The following NSD1 variants were observed in gnomAD, a reference collection of about 807,000 sequenced individuals.
NSD1 encodes the protein nuclear receptor binding SET domain protein 1.
A neutral mutation model predicts 242.7 loss-of-function variants in NSD1; 26 were observed. That is an observed-to-expected ratio of 0.11 (90% CI 0.08 to 0.15). The LOEUF (loss-of-function observed/expected upper bound fraction) is 0.15, where lower values mean the gene tolerates loss of function less well. Ranked by LOEUF, NSD1 falls within the 10% of genes least tolerant of loss-of-function variation. The pLI is 1.00. For synonymous variants in NSD1, 1,106 were observed against 1,178.1 expected (o/e 0.94, Z 1.25); for missense variants, 2,495 against 3,272.8 (o/e 0.76, Z 5.80).
chr5:177,200,875 T>C lies in NSD1; in HGVS notation c.1064-3245T>C, dbSNP rs1762461077. On this transcript the variant is annotated intron_variant, in intron 3 of 22. Coordinates refer to ENST00000439151, the MANE Select transcript of NSD1 (RefSeq NM_022455.5). ...ATTCTGAACAGTGTTTCTATAAACATTGTATAGTATCTGGTGTTTTTGTAT... is the reference window on the plus strand; with the variant it reads ...ATTCTGAACAGTGTTTCTATAAACACTGTATAGTATCTGGTGTTTTTGTAT... Among the ~76,000 whole-genome samples, 3 of 152,124 alleles carry C rather than the reference T, an allele frequency of 2.0e-5. No homozygotes were observed. In the South Asian group the frequency reaches 6.2e-4, roughly 31 times the overall value.
chr5:177,239,989 C>A, intron 8 of NSD1, 124 bp downstream of exon 8: 2 of 656,032 alleles, frequency 3.0e-6, no homozygotes, highest in South Asian at 1.7e-5. Flanking sequence ...TGTGTGTCAG[C>A]AGTCATACAT....
Position 177,294,811 on chromosome 5 carries a change from G to A in NSD1, c.7443G>A (p.Glu2481=). The part of the protein sequence containing the change: ...SPHQVTPQAD[E]KMPVLESSSW... ...ATCAGGTCACACCACAGGCTGATGAGAAGATGCCAGTGTTGGAGTCAAGTT... is the reference window on the plus strand; with the variant it reads ...ATCAGGTCACACCACAGGCTGATGAAAAGATGCCAGTGTTGGAGTCAAGTT... Residue 2481 remains glutamate, a synonymous_variant, in exon 23 of 23, where the codon GAG becomes GAA. Transcript: ENST00000439151. 6.2e-7 allele frequency: 1 copy of A among 1,612,916 alleles called. No homozygotes were observed. The highest frequency in any genetic ancestry group is 8.5e-7 in the Non-Finnish European group (1 of 1,180,038).
At chr5:177,188,981 T>A (rs1761462617) in intron 2 of NSD1, among the ~76,000 whole-genome samples, 1 of 152,088 alleles carries the variant, frequency 6.6e-6, no homozygotes, top group Non-Finnish European at 1.5e-5. Context: ...AGGCGAAGAT[T>A]GCAGTGAGTG....
chr5:177,158,969 CAT>C (rs1003353784), intron 2 of NSD1, among the ~76,000 whole-genome samples: 11 of 129,960 alleles, frequency 8.5e-5, no homozygotes, highest in African/African-American at 3.4e-4. Flanking sequence ...TATACACACA[CAT>C]ATATACACAC....
At chr5:177,266,361 C>G (rs1757461038) in intron 14 of NSD1, 1 of 694,092 alleles carries the variant, frequency 1.4e-6, no homozygotes, top group South Asian at 1.4e-5. Flanking sequence ...ACCTTGCGGG[C>G]CCGGCCTTGG....
intron 2 of NSD1, among the ~76,000 whole-genome samples, chr5:177,150,547 GTTATTA>G (rs1023897801): frequency 2.7e-5 from 4 of 146,732 alleles, no homozygotes; most frequent in African/African-American, 7.3e-5. Flanking sequence ...GTTTTTTGCT[GTTATTA>G]TTAATACTTC....
intron 2 of NSD1, among the ~76,000 whole-genome samples, chr5:177,162,926 A>G (rs1459378108): frequency 6.6e-6 from 1 of 151,988 alleles, no homozygotes. Context: ...CGGCCTCCCA[A>G]TGTGCTGGGA....
intron 2 of NSD1, among the ~76,000 whole-genome samples, chr5:177,176,747 T>C (rs1760240864): frequency 1.3e-5 from 2 of 152,260 alleles, no homozygotes; most frequent in Non-Finnish European, 2.9e-5. Context: ...GGATACATTG[T>C]GTTGGAAGAG....
chr5:177,169,156 A>G (rs1372004100), intron 2 of NSD1, among the ~76,000 whole-genome samples: 1 of 152,152 alleles, frequency 6.6e-6, no homozygotes, highest in Non-Finnish European at 1.5e-5. Flanking sequence ...AGCAGTGACC[A>G]TGACCTTTTT....
chr5:177,294,745 A>G lies in NSD1; in HGVS notation c.7377A>G (p.Ile2459Met), dbSNP rs1043923695. ...KNRAALVMDL[I>M]DLTPRQKERA... ...GAGCTGCTTTGGTGATGGATCTCAT[A>G]GACCTAACTCCTCGCCAGAAGGAGC... Residue 2459 changes from isoleucine to methionine, a missense_variant, in exon 23 of 23, where the codon ATA (isoleucine) becomes ATG (methionine). Physicochemically the swap from Ile to Met is conservative, Grantham distance 10. Around this residue, in one of 19 missense-constraint regions of NSD1, gnomAD observed 475 missense variants for 563.7 expected, o/e 0.84. Coordinates refer to ENST00000439151, the MANE Select transcript of NSD1 (RefSeq NM_022455.5). 1.2e-6 allele frequency: 2 copies of G among 1,614,228 alleles called. No homozygotes were observed. The highest frequency in any genetic ancestry group is 1.1e-5 in the South Asian group (1 of 91,088).
At chr5:177,153,634 A>G in intron 2 of NSD1, among the ~76,000 whole-genome samples, 1 of 152,104 alleles carries the variant, frequency 6.6e-6, no homozygotes, top group East Asian at 1.9e-4. Context: ...GTAGTTGTAT[A>G]GTCAAAGTTT....
At chr5:177,260,828 C>G (rs1756940749) in intron 14 of NSD1, among the ~76,000 whole-genome samples, 1 of 151,896 alleles carries the variant, frequency 6.6e-6, no homozygotes, top group South Asian at 2.1e-4. Flanking sequence ...GGCATTATTC[C>G]AGACATTCAT....
intron 8 of NSD1, among the ~76,000 whole-genome samples, chr5:177,242,592 A>G (rs1164404831): frequency 2.6e-5 from 4 of 151,642 alleles, no homozygotes; most frequent in Non-Finnish European, 4.4e-5. Flanking sequence ...CAATGGCACA[A>G]TCTCGGCTCA....
In NSD1 at chr5:177,135,377, G is replaced by A. The variant is rs1216848793; in HGVS notation, c.274G>A (p.Asp92Asn). ...INVEYLNGSADGSESFQDPEK... is the reference protein window; with the variant it reads ...INVEYLNGSANGSESFQDPEK... ...TGTAGAGTATTTAAATGGGTCTGCT[G>A]ATGGATCAGAATCCTTTCAAGACCC... Residue 92 changes from aspartate to asparagine, a missense_variant, in exon 2 of 23, where the codon GAT becomes AAT. Transcript: ENST00000439151. 2 of 1,612,940 alleles carry A rather than the reference G, an allele frequency of 1.2e-6. No homozygotes were observed. Among genetic ancestry groups the A allele is most frequent in the East Asian group, 2.2e-5 (1 of 44,866 alleles).
intron 8 of NSD1, among the ~76,000 whole-genome samples, chr5:177,241,024 A>G (rs918426858): frequency 1.3e-5 from 2 of 152,254 alleles, no homozygotes; most frequent in African/African-American, 4.8e-5. Context: ...GTCTCAGTCA[A>G]TCAATCAATA....
intron 15 of NSD1, 92 bp downstream of exon 15, chr5:177,267,810 C>T (rs1486477652): frequency 1.6e-6 from 2 of 1,267,162 alleles, no homozygotes; most frequent in Admixed American, 1.7e-5. Flanking sequence ...TAATGATCTA[C>T]TTAATTACTC....
At position 177,229,082 on chromosome 5, in the gene NSD1, TA is replaced by T. The variant is rs563599206; in HGVS notation, c.3797-6728del. Among the ~76,000 whole-genome samples, 1,387 of 148,372 alleles carry T rather than the reference TA, an allele frequency of 9.3e-3. 15 individuals are homozygous for T. Among genetic ancestry groups the T allele is most frequent in the African/African-American group, 0.029 (1,170 of 40,692 alleles). On this transcript the variant is annotated intron_variant, in intron 5 of 22. Transcript: ENST00000439151. ...TCTCATTTGGTATATTTTTCTGATT[TA>T]AAAAAAAAAACTTACCATCTGTAAT...
chr5:177,253,262 T>C (rs1015675382), intron 12 of NSD1, among the ~76,000 whole-genome samples: 2 of 152,156 alleles, frequency 1.3e-5, no homozygotes, highest in Admixed American at 6.5e-5. Flanking sequence ...GAGGATATTA[T>C]AGGGTCAAGA....
At position 177,176,252 on chromosome 5, in the gene NSD1, C is replaced by T. The variant is rs80157378; in HGVS notation, c.928-15632C>T. On this transcript the variant is annotated intron_variant, in intron 2 of 22. Transcript: ENST00000439151. ...GATTAAAATCTAAGATCTAAATATT[C>T]GATTCTTCTTCCTTTTTTTTTTTTG... 9.5e-3 allele frequency among the ~76,000 whole-genome samples: 1,435 copies of T among 151,384 alleles called. 20 individuals are homozygous for T. The highest frequency in any genetic ancestry group is 0.01 in the Non-Finnish European group (703 of 67,878).
Sources: gnomAD v4.1 joint callset for allele counts (sites outside exome capture counted in the v4.1 genomes callset) on GRCh38, gnomAD v4.1.1 for gene constraint, gnomAD v4.1.1 regional missense constraint, MANE v1.5 for transcripts, NCBI Gene and HGNC (gene_info 2026-07-23, HGNC 2026-07-21) for gene names.